The following KLHL26 variants were observed in gnomAD, a reference collection of about 807,000 sequenced individuals.
KLHL26 encodes the protein kelch-like protein 26.
A neutral mutation model predicts 7.1 loss-of-function variants in KLHL26; 4 were observed. The observed-to-expected ratio is 0.56, with a 90% CI of 0.28 to 1.28. The LOEUF is 1.28. KLHL26 is among the 50% of genes most tolerant of loss of function. The pLI is 0.11. For synonymous variants in KLHL26, 465 were observed against 414.1 expected, an observed-to-expected ratio of 1.12 and a Z score of -1.49; for missense variants, 896 against 924.6, an observed-to-expected ratio of 0.97 and a Z score of 0.40.
At position 18,646,215 on chromosome 19, in the gene KLHL26, G is replaced by T. The variant is rs1341463422; in HGVS notation, c.83+9078G>T. Among the ~76,000 whole-genome samples, 2 of 152,166 alleles carry T rather than the reference G, an allele frequency of 1.3e-5. No individual in the cohort carries two copies. The highest frequency in any genetic ancestry group is 2.9e-5 in the Non-Finnish European group (2 of 68,034). ...TGGCTCACTGCAACCTCCGCCTTCT[G>T]GGTTCAAGTGATTCTCCTGCCTCAG... On this transcript the variant is annotated intron_variant, in intron 1 of 2. Transcript: ENST00000300976. The surrounding 1 kb of genome is among the most constrained non-coding windows in gnomAD (Gnocchi z 5.0).
intron 1 of KLHL26, among the ~76,000 whole-genome samples, chr19:18,655,133 C>T (rs987667019): frequency 5.9e-5 from 9 of 152,138 alleles, no homozygotes; most frequent in African/African-American, 1.2e-4. Context: ...GCTCTCCCAG[C>T]GGGACCTGGC....
chr19:18,661,718 G>T (rs919021974), intron 1 of KLHL26, among the ~76,000 whole-genome samples: 5 of 152,004 alleles, frequency 3.3e-5, no homozygotes, highest in African/African-American at 1.2e-4. Flanking sequence ...AGAGTTCTTG[G>T]GTAAAGGACA....
At chr19:18,643,477 CTTA>C (rs1387914914) in intron 1 of KLHL26, among the ~76,000 whole-genome samples, 2 of 151,372 alleles carry the variant, frequency 1.3e-5, no homozygotes, top group African/African-American at 4.9e-5. Context: ...GAGATGGGGT[CTTA>C]TTATTATTTT....
At chr19:18,662,335 C>T (rs1019566871) in intron 1 of KLHL26, among the ~76,000 whole-genome samples, 2 of 152,168 alleles carry the variant, frequency 1.3e-5, no homozygotes, top group Non-Finnish European at 2.9e-5. Context: ...ACAGAAAGGC[C>T]GGCAGGGGTC....
intron 1 of KLHL26, among the ~76,000 whole-genome samples, chr19:18,661,259 T>A (rs892432061): frequency 4.6e-5 from 7 of 152,250 alleles, no homozygotes; most frequent in African/African-American, 1.7e-4. Context: ...GATCCTGCCT[T>A]CTGGGTTCCG....
chr19:18,660,370 G>A (rs575581999), intron 1 of KLHL26, among the ~76,000 whole-genome samples: 7 of 152,334 alleles, frequency 4.6e-5, no homozygotes, highest in East Asian at 1.9e-4. Context: ...CAGCCAGGGC[G>A]GGCAGCAATG....
intron 1 of KLHL26, among the ~76,000 whole-genome samples, chr19:18,639,186 C>T (rs1403729543): frequency 6.6e-6 from 1 of 151,760 alleles, no homozygotes; most frequent in East Asian, 1.9e-4. Context: ...AGGGATTTTC[C>T]TGCCTCAGCC....
At position 18,649,407 on chromosome 19, in the gene KLHL26, G is replaced by A. The variant is rs1021736198; in HGVS notation, c.83+12270G>A. ...TGCCCAGGCTGGCCGAGGGTCATCC[G>A]CCTCTTCCTCTTCACTTCATTGAAC... On this transcript the variant is annotated intron_variant, in intron 1 of 2. Coordinates refer to ENST00000300976, the MANE Select transcript of KLHL26 (RefSeq NM_018316.3). This position sits in a 1 kb window ranked among gnomAD's most constrained non-coding sequence, Gnocchi z 4.0. Among the ~76,000 whole-genome samples, 3 of 152,150 alleles carry A rather than the reference G, an allele frequency of 2.0e-5. No homozygotes were observed. Among genetic ancestry groups the A allele is most frequent in the Non-Finnish European group, 2.9e-5 (2 of 68,022 alleles).
Position 18,649,150 on chromosome 19 carries a change from G to T in KLHL26, c.83+12013G>T, listed in dbSNP as rs143248968. ...GCCTGGCCACTGTGTCCACCGTGGC[G>T]CCACTGCTCGCCCTGTCGTCATGGT... is the stretch of plus-strand genomic sequence containing the variant. On this transcript the variant is annotated intron_variant, in intron 1 of 2. Transcript: ENST00000300976. This position sits in a 1 kb window ranked among gnomAD's most constrained non-coding sequence, Gnocchi z 4.0. Among the ~76,000 whole-genome samples the T allele has an allele frequency of 3.3e-5, 5 of 152,300 alleles. No individual in the cohort carries two copies. Among genetic ancestry groups the T allele is most frequent in the African/African-American group, 1.2e-4 (5 of 41,558 alleles).
chr19:18,654,856 C>G (rs1394484557), intron 1 of KLHL26, among the ~76,000 whole-genome samples: 1 of 152,232 alleles, frequency 6.6e-6, no homozygotes, highest in Non-Finnish European at 1.5e-5. Context: ...ACCCATCCAT[C>G]TACCTGTCCA....
intron 2 of KLHL26, 58 bp downstream of exon 2, chr19:18,664,501 G>A: frequency 1.4e-6 from 2 of 1,397,576 alleles, no homozygotes; most frequent in Non-Finnish European, 9.6e-7. Context: ...CAGGGACAGG[G>A]CAGATGGCAC....
At chr19:18,666,492 C>T (rs927477186) in intron 2 of KLHL26, among the ~76,000 whole-genome samples, 2 of 152,194 alleles carry the variant, frequency 1.3e-5, no homozygotes, top group Non-Finnish European at 2.9e-5. Flanking sequence ...TGCTGGGGAA[C>T]ACCCTAAACG....
chr19:18,645,905 C>T (rs958489454), intron 1 of KLHL26, among the ~76,000 whole-genome samples: 32 of 151,974 alleles, frequency 2.1e-4, no homozygotes, highest in Admixed American at 5.2e-4. Context: ...GTGGCCGAGA[C>T]GCTGCGCCCG....
At chr19:18,644,111 G>A (rs1976761576) in intron 1 of KLHL26, among the ~76,000 whole-genome samples, 1 of 152,142 alleles carries the variant, frequency 6.6e-6, no homozygotes, top group Non-Finnish European at 1.5e-5. Context: ...TCACCAATCT[G>A]CAGTCTGTCT....
intron 1 of KLHL26, among the ~76,000 whole-genome samples, chr19:18,642,926 T>G (rs1976740340): frequency 6.6e-6 from 1 of 151,908 alleles, no homozygotes; most frequent in African/African-American, 2.4e-5. Flanking sequence ...CTCCACCTCC[T>G]GGGTTTAAGC....
chr19:18,654,608 T>C (rs1456886827), intron 1 of KLHL26, among the ~76,000 whole-genome samples: 1 of 149,168 alleles, frequency 6.7e-6, no homozygotes, highest in East Asian at 2.0e-4. Context: ...CATCCGTCCA[T>C]CCGTTCATCC....
rs955195652 is a variant in KLHL26, at chr19:18,669,539, G to A, written c.*294G>A. On this transcript the variant is annotated 3_prime_UTR_variant, in exon 3 of 3. Coordinates refer to ENST00000300976, the MANE Select transcript of KLHL26 (RefSeq NM_018316.3). ...GGCCCCCGAGTCCCCACGGGCTGGC[G>A]GGTGGAATCCCAGGTCTCCAGGGGG... 6.8e-5 allele frequency: 38 copies of A among 562,290 alleles called. No individual in the cohort carries two copies. The highest frequency in any genetic ancestry group is 5.3e-4 in the African/African-American group (28 of 53,000). 34.8% of individuals were successfully genotyped at this position (562,290 alleles called of 1,614,324 possible). A position where few individuals can be genotyped will look rare whatever the true frequency, so the allele number is the denominator to read the frequency against.
chr19:18,659,615 A>T (rs1323031240), intron 1 of KLHL26: 1 of 152,062 alleles, frequency 6.6e-6, no homozygotes, highest in African/African-American at 2.4e-5. Flanking sequence ...CAAAACCCCA[A>T]AGAAATGTTT....
At position 18,649,299 on chromosome 19, in the gene KLHL26, T is replaced by C. The variant is rs1285416498; in HGVS notation, c.83+12162T>C. Among the ~76,000 whole-genome samples, 2 of 152,136 alleles carry C rather than the reference T, an allele frequency of 1.3e-5. No individual in the cohort carries two copies. On this transcript the variant is annotated intron_variant, in intron 1 of 2. Transcript: ENST00000300976. The surrounding 1 kb of genome is among the most constrained non-coding windows in gnomAD (Gnocchi z 4.0). Reference sequence around the variant, plus strand: ...CAGCTACTGGCACGGGATGGATGCTTTTGAGTGTAGATCCAGTGAGTACCC... The same window carrying C: ...CAGCTACTGGCACGGGATGGATGCTCTTGAGTGTAGATCCAGTGAGTACCC...
Sources: allele counts gnomAD v4.1 joint callset (sites outside exome capture counted in the v4.1 genomes callset), GRCh38; gene constraint gnomAD v4.1.1; non-coding constraint Gnocchi (gnomAD v3.1); transcripts MANE v1.5; gene names NCBI Gene and HGNC (gene_info 2026-07-23, HGNC 2026-07-21).